SP5: variants seen among roughly 807,000 people sequenced by gnomAD.
SP5 encodes transcription factor Sp5.
SP5 carries 12 observed loss-of-function variants against 27.4 expected under a neutral mutation model. The ratio of observed to expected loss-of-function variants is 0.44; its 90% CI spans 0.28 to 0.71. SP5 has a LOEUF of 0.71. Ranked by LOEUF, SP5 falls within the 30% of genes least tolerant of loss-of-function variation. The probability of loss-of-function intolerance (pLI) is 0.15; values close to 1 mark genes in which losing one functional copy is unlikely to be tolerated. For synonymous variants in SP5, 330 were observed against 290.7 expected, an observed-to-expected ratio of 1.14 and a Z score of -1.38; for missense variants, 660 against 589.8, an observed-to-expected ratio of 1.12 and a Z score of -1.23.
intron 1 of SP5, 30 bp from the exon 2 acceptor site, chr2:170,716,229 C>T (rs1366074328): frequency 6.4e-7 from 1 of 1,572,646 alleles, no homozygotes; most frequent in South Asian, 1.1e-5. Context: ...CCTTTTGTCT[C>T]TTCTCCGCCC....
rs201188860 is a variant in SP5 at position 170,717,363 on chromosome 2, G to T, written c.1156G>T (p.Ala386Ser). ...KTHQNKKLKV[A>S]EAGVKREDAR... ...TCACCAGAATAAGAAGCTCAAAGTCGCTGAGGCCGGGGTTAAGCGGGAGGA... is the reference window on the plus strand; with the variant it reads ...TCACCAGAATAAGAAGCTCAAAGTCTCTGAGGCCGGGGTTAAGCGGGAGGA... Residue 386 changes from alanine (A) to serine (S), a missense_variant, in exon 2 of 2, where the codon GCT becomes TCT. Ala to Ser is a moderately conservative substitution (Grantham distance 99). Coordinates refer to ENST00000375281, the MANE Select transcript of SP5 (RefSeq NM_001003845.3). The T allele has an allele frequency of 6.8e-6, 11 of 1,611,000 alleles. No individual in the cohort carries two copies. Among genetic ancestry groups the T allele is most frequent in the African/African-American group, 1.3e-5 (1 of 74,940 alleles).
chr2:170,716,128 G>A (rs1700060222), intron 1 of SP5, 131 bp from the exon 2 acceptor site: 5 of 1,410,398 alleles, frequency 3.5e-6, no homozygotes, highest in Middle Eastern at 2.6e-4. Context: ...GTGCGGTGGC[G>A]GGGGAGGGAC....
chr2:170,715,582 G>C lies in SP5; in HGVS notation c.51+19G>C. 6.4e-7 allele frequency: 1 copy of C among 1,550,626 alleles called. No individual in the cohort carries two copies. Among genetic ancestry groups the C allele is most frequent in the Non-Finnish European group, 8.7e-7 (1 of 1,147,864 alleles). On this transcript the variant is annotated intron_variant, in intron 1 of 1. Transcript: ENST00000375281. ...TCTCCAGGTCAGGGCCGAGCCCGGA[G>C]GGGGCGGGAGAAAGGTGGAAAGGGC...
Position 170,716,355 on chromosome 2 carries a change from G to A in SP5, c.148G>A (p.Ala50Thr). ...CCGCATCGGCCAGCCGGGCGCGGCG[G>A]CGCCCCCGGACTTCCTGCAGGTGCC... Reference protein sequence around the residue: ...CSRIGQPGAAAPPDFLQVPYD... With the variant: ...CSRIGQPGAATPPDFLQVPYD... Residue 50 changes from alanine (A) to threonine (T), a missense_variant, in exon 2 of 2, where the codon GCG becomes ACG. Physicochemically the swap from Ala to Thr is moderately conservative, Grantham distance 58. Coordinates refer to ENST00000375281, the MANE Select transcript of SP5 (RefSeq NM_001003845.3). 6.3e-7 allele frequency: 1 copy of A among 1,596,048 alleles called. No homozygotes were observed. Among genetic ancestry groups the A allele is most frequent in the Non-Finnish European group, 8.5e-7 (1 of 1,178,634 alleles).
chr2:170,715,511 C>T lies in SP5; in HGVS notation c.-2C>T. 6.4e-7 allele frequency: 1 copy of T among 1,553,194 alleles called. No individual in the cohort carries two copies. Among genetic ancestry groups the T allele is most frequent in the East Asian group, 2.4e-5 (1 of 41,418 alleles). ...GCAGCCAGGGGCCTGCAAGCCGTAG[C>T]CATGGCCGCGGTGGCCGTCCTCCGG... is the stretch of plus-strand genomic sequence containing the variant. On this transcript the variant is annotated 5_prime_UTR_variant, in exon 1 of 2. Transcript: ENST00000375281.
Position 170,715,363 on chromosome 2 carries a change from G to A in SP5, c.-150G>A. The A allele has an allele frequency of 1.9e-6, 2 of 1,030,992 alleles. 1 individual carries two copies. Among genetic ancestry groups the A allele is most frequent in the South Asian group, 4.2e-5 (2 of 47,176 alleles). 63.9% of individuals were successfully genotyped at this position (1,030,992 alleles called of 1,614,324 possible). A position where few individuals can be genotyped will look rare whatever the true frequency, so the allele number is the denominator to read the frequency against. On this transcript the variant is annotated 5_prime_UTR_variant, in exon 1 of 2. Coordinates refer to ENST00000375281, the MANE Select transcript of SP5 (RefSeq NM_001003845.3). ...GACCGCGCGCGGGGCGAGCGAGCGG[G>A]GCGCGGCGAGGGGCAAGGGCGGGGA...
At chr2:170,715,741 G>A (rs1408059979) in intron 1 of SP5, 178 bp downstream of exon 1, 22 of 985,356 alleles carry the variant, frequency 2.2e-5, no homozygotes, top group Non-Finnish European at 2.4e-5. Flanking sequence ...TTTGCTGGAG[G>A]GACGCGTGGA....
chr2:170,715,481 G>C lies in SP5; in HGVS notation c.-32G>C, dbSNP rs1285749114. ...GTCCATGCCTCGGCGGCGGCGTCCC[G>C]CTCCGCAGCCAGGGGCCTGCAAGCC... is the stretch of plus-strand genomic sequence containing the variant. On this transcript the variant is annotated 5_prime_UTR_variant, in exon 1 of 2. Transcript: ENST00000375281. 9.1e-6 allele frequency: 14 copies of C among 1,542,148 alleles called. No homozygotes were observed. The highest frequency in any genetic ancestry group is 1.2e-5 in the Non-Finnish European group (14 of 1,144,736).
chr2:170,715,608 C>T, intron 1 of SP5, 45 bp downstream of exon 1: 2 of 1,534,188 alleles, frequency 1.3e-6, no homozygotes, highest in East Asian at 2.6e-5. Context: ...TGGAAAGGGC[C>T]GTGTCCGGAT....
chr2:170,716,705 G>GCCGCCACCGCCC lies in SP5; in HGVS notation c.504_515dup (p.Pro170_Pro173dup). The GCCGCCACCGCCC allele has an allele frequency of 6.7e-7, 1 of 1,503,126 alleles. No homozygotes were observed. Among genetic ancestry groups the GCCGCCACCGCCC allele is most frequent in the Non-Finnish European group, 8.8e-7 (1 of 1,133,886 alleles). 93.1% of individuals were successfully genotyped at this position (1,503,126 alleles called of 1,614,324 possible). On this transcript the variant is annotated inframe_insertion, in exon 2 of 2. Transcript: ENST00000375281. ...GCTACTCCAACCTGCTGCCTCCGCC[G>GCCGCCACCGCCC]CCGCCACCGCCCCCGCCGCCCACCT...
At position 170,717,162 on chromosome 2, in the gene SP5, T is replaced by G. The variant is rs1365612559; in HGVS notation, c.955T>G (p.Trp319Gly). The part of the protein sequence containing the change: ...KTSHLKAHLR[W>G]HTGERPFVCN... ...GTCGCACCTGAAGGCGCACCTGCGCTGGCACACGGGCGAGCGACCCTTCGT... is the reference window on the plus strand; with the variant it reads ...GTCGCACCTGAAGGCGCACCTGCGCGGGCACACGGGCGAGCGACCCTTCGT... The change falls in exon 2 of 2, where the codon TGG (tryptophan) becomes GGG (glycine). Residue 319 changes from tryptophan (W) to glycine (G), a missense_variant. Trp to Gly is a radical substitution (Grantham distance 184). Transcript: ENST00000375281. The G allele has an allele frequency of 6.2e-7, 1 of 1,606,624 alleles. No homozygotes were observed. The highest frequency in any genetic ancestry group is 8.5e-7 in the Non-Finnish European group (1 of 1,177,454).
Position 170,716,578 on chromosome 2 carries a change from A to G in SP5, c.371A>G (p.Glu124Gly), listed in dbSNP as rs1012672835. 1.9e-6 allele frequency: 3 copies of G among 1,610,202 alleles called. No homozygotes were observed. The highest frequency in any genetic ancestry group is 2.5e-6 in the Non-Finnish European group (3 of 1,178,808). Residue 124 changes from glutamate to glycine, a missense_variant, in exon 2 of 2, where the codon GAG becomes GGG. By Grantham distance (98) the Glu-to-Gly change is moderately conservative (BLOSUM62 -2). Transcript: ENST00000375281. Reference protein sequence around the residue: ...TPPADPSYPYEFSPVKMLPSS... With the variant: ...TPPADPSYPYGFSPVKMLPSS... ...CCCGCCGACCCCTCGTACCCCTACG[A>G]GTTCTCGCCGGTCAAGATGCTGCCC...
chr2:170,717,557 A>T lies in SP5; in HGVS notation c.*153A>T. 2 of 1,034,548 alleles carry T rather than the reference A, an allele frequency of 1.9e-6. No homozygotes were observed. Among genetic ancestry groups the T allele is most frequent in the Non-Finnish European group, 2.8e-6 (2 of 724,734 alleles). The allele number at this position is 1,034,548 out of a possible 1,614,324, so 64.1% of individuals were successfully genotyped here. On this transcript the variant is annotated 3_prime_UTR_variant, in exon 2 of 2. Coordinates refer to ENST00000375281, the MANE Select transcript of SP5 (RefSeq NM_001003845.3). ...CTTCCAACTTCCGCTGCCTTCGGAC[A>T]TAGGGACCCAGTTCCCAGGAGCGGG...
chr2:170,715,778 T>C, intron 1 of SP5: 2 of 985,400 alleles, frequency 2.0e-6, no homozygotes, highest in Non-Finnish European at 2.4e-6. Flanking sequence ...GGTGCCCGGC[T>C]GGCCGAGAAC....
Position 170,717,293 on chromosome 2 carries a change from C to G in SP5, c.1086C>G (p.Gly362=). ...GEKRFACPEC[G]KRFMRSDHLA... ...AGCGCTTTGCCTGTCCCGAGTGCGG[C>G]AAGCGCTTCATGCGCAGCGACCACC... Residue 362 remains glycine (G), a synonymous_variant, in exon 2 of 2, where the codon GGC becomes GGG. Coordinates refer to ENST00000375281, the MANE Select transcript of SP5 (RefSeq NM_001003845.3). 1.2e-6 allele frequency: 2 copies of G among 1,609,956 alleles called. No homozygotes were observed. Among genetic ancestry groups the G allele is most frequent in the South Asian group, 2.2e-5 (2 of 91,032 alleles).
Position 170,717,201 on chromosome 2 carries a change from T to C in SP5, c.994T>C (p.Phe332Leu). Residue 332 changes from phenylalanine (F) to leucine (L), a missense_variant, in exon 2 of 2, where the codon TTC becomes CTC. Coordinates refer to ENST00000375281, the MANE Select transcript of SP5 (RefSeq NM_001003845.3). ...GCGACCCTTCGTGTGCAACTGGCTC[T>C]TCTGCGGGAAGAGCTTCACGCGCTC... ...GERPFVCNWL[F>L]CGKSFTRSDE... The C allele has an allele frequency of 1.9e-6, 3 of 1,608,974 alleles. No individual in the cohort carries two copies. The highest frequency in any genetic ancestry group is 2.5e-6 in the Non-Finnish European group (3 of 1,178,656).
At position 170,716,914 on chromosome 2, in the gene SP5, T is replaced by C; in HGVS notation, c.707T>C (p.Leu236Pro). ...GCTGCTGCTGCGGCCGCCGCCGCCC[T>C]ACAAAGAGGCCTGGTGTTGGGCCCG... Reference protein sequence around the residue: ...AAAAAAAAAALQRGLVLGPSD... With the variant: ...AAAAAAAAAAPQRGLVLGPSD... Residue 236 changes from leucine to proline, a missense_variant, in exon 2 of 2, where the codon CTA (leucine) becomes CCA (proline). Physicochemically the swap from Leu to Pro is moderately conservative, Grantham distance 98. Coordinates refer to ENST00000375281, the MANE Select transcript of SP5 (RefSeq NM_001003845.3). The C allele has an allele frequency of 1.3e-6, 2 of 1,539,312 alleles. No individual in the cohort carries two copies. Among genetic ancestry groups the C allele is most frequent in the Non-Finnish European group, 8.7e-7 (1 of 1,143,376 alleles).
Position 170,716,276 on chromosome 2 carries a change from C to T in SP5, c.69C>T (p.Ala23=), listed in dbSNP as rs1700063887. Residue 23 remains alanine (A), a synonymous_variant, in exon 2 of 2, where the codon GCC becomes GCT. Transcript: ENST00000375281. ...QAFLQDRTPS[A]SPDLGKHSPL... is the part of the protein sequence containing the mutation. ...CTATGCAGGACCGCACCCCCAGCGC[C>T]TCCCCGGACCTGGGCAAGCACTCGC... 1 of 1,594,170 alleles carries T rather than the reference C, an allele frequency of 6.3e-7. No individual in the cohort carries two copies. Among genetic ancestry groups the T allele is most frequent in the Non-Finnish European group, 8.5e-7 (1 of 1,178,834 alleles).
chr2:170,717,129 G>A lies in SP5; in HGVS notation c.922G>A (p.Gly308Arg), dbSNP rs1432089242. Residue 308 changes from glycine (G) to arginine (R), a missense_variant, in exon 2 of 2, where the codon GGG becomes AGG. Coordinates refer to ENST00000375281, the MANE Select transcript of SP5 (RefSeq NM_001003845.3). ...CGTGCCGGGCTGCGGCAAGGTGTACGGGAAGACGTCGCACCTGAAGGCGCA... is the reference window on the plus strand; with the variant it reads ...CGTGCCGGGCTGCGGCAAGGTGTACAGGAAGACGTCGCACCTGAAGGCGCA... Reference protein sequence around the residue: ...CHVPGCGKVYGKTSHLKAHLR... With the variant: ...CHVPGCGKVYRKTSHLKAHLR... 4 of 1,598,970 alleles carry A rather than the reference G, an allele frequency of 2.5e-6. No homozygotes were observed. In the African/African-American group the frequency reaches 4.0e-5, roughly 16 times the overall value.
Sources: gnomAD v4.1 joint callset for allele counts on GRCh38, gnomAD v4.1.1 for gene constraint, MANE v1.5 for transcripts, NCBI Gene and HGNC (gene_info 2026-07-23, HGNC 2026-07-21) for gene names.